MUSK: variants seen among roughly 807,000 people sequenced by gnomAD.
MUSK encodes muscle associated receptor tyrosine kinase.
In MUSK, 55 loss-of-function variants were observed where a neutral mutation model predicts 88.7. The observed-to-expected ratio is 0.62, with a 90% CI of 0.50 to 0.78. The LOEUF is 0.78. Among genes scored for constraint, MUSK ranks in the 30% least tolerant of loss-of-function variants. The probability of loss-of-function intolerance (pLI) is 0.00; values close to 1 mark genes in which losing one functional copy is unlikely to be tolerated. For missense variants in MUSK, 1,015 were observed against 1,074.3 expected (o/e 0.94, Z 0.77); for synonymous variants, 387 against 391.9 (o/e 0.99, Z 0.15).
At chr9:110,753,111 A>G (rs551881593) in intron 7 of MUSK, among the ~76,000 whole-genome samples, 91 of 152,286 alleles carry the variant, frequency 6.0e-4, no homozygotes, top group Non-Finnish European at 1.1e-3. Context: ...GCCGGAGACC[A>G]TGAAAATGGA....
At position 110,747,737 on chromosome 9, in the gene MUSK, G is replaced by C. The variant is rs1315530629; in HGVS notation, c.850G>C (p.Ala284Pro). The change falls in exon 7 of 15, where the codon GCT becomes CCT. Residue 284 changes from alanine to proline, a missense_variant. Coordinates refer to ENST00000374448, the MANE Select transcript of MUSK (RefSeq NM_005592.4). ...CAAGCCAGGACTCTACACATGCATA[G>C]CTACCAATAAGCATGGGGAGAAGTT... ...ITKPGLYTCI[A>P]TNKHGEKFST... 1 of 1,613,860 alleles carries C rather than the reference G, an allele frequency of 6.2e-7. No individual in the cohort carries two copies. Among genetic ancestry groups the C allele is most frequent in the Non-Finnish European group, 8.5e-7 (1 of 1,179,794 alleles).
chr9:110,800,197 C>CA (rs2078069849), intron 14 of MUSK, 109 bp from the exon 15 acceptor site: 1 of 1,010,184 alleles, frequency 9.9e-7, no homozygotes, highest in African/African-American at 1.6e-5. Context: ...ACAACAACAA[C>CA]AAAAAACAGG....
rs7851451 is a variant in MUSK, at chr9:110,682,322, A to G, written c.80-352A>G. On this transcript the variant is annotated intron_variant, in intron 1 of 14. Coordinates refer to ENST00000374448, the MANE Select transcript of MUSK (RefSeq NM_005592.4). ...CTTCCCTTCAGACTCACTTCCCTTT[A>G]TGCTGATGATATTGGGGTGGACACA... 7.8e-3 allele frequency among the ~76,000 whole-genome samples: 1,194 copies of G among 152,112 alleles called. 9 individuals are homozygous for G. The highest frequency in any genetic ancestry group is 0.027 in the African/African-American group (1,136 of 41,516).
chr9:110,675,215 C>CTTTTTT (rs386415865), intron 1 of MUSK, among the ~76,000 whole-genome samples: 39 of 88,356 alleles, frequency 4.4e-4, no homozygotes, highest in East Asian at 7.6e-4. Flanking sequence ...CACATTGCCT[C>CTTTTTT]TTTTTTTTTT....
chr9:110,747,611 G>C, intron 6 of MUSK, 30 bp from the exon 7 acceptor site: 1 of 1,591,548 alleles, frequency 6.3e-7, no homozygotes, highest in East Asian at 2.2e-5. Context: ...ATCCTTGACT[G>C]AGTTCTTTTA....
chr9:110,776,160 A>C lies in MUSK; in HGVS notation c.1360+197A>C, dbSNP rs575532344. ...ACAGATTAGCGTAAAGATTTATTTC[A>C]TTTGCTCTAAAATAAATGAAACAGC... On this transcript the variant is annotated intron_variant, in intron 10 of 14. Coordinates refer to ENST00000374448, the MANE Select transcript of MUSK (RefSeq NM_005592.4). 3.3e-5 allele frequency among the ~76,000 whole-genome samples: 5 copies of C among 152,108 alleles called. No homozygotes were observed. The South Asian group carries it at 8.3e-4, about 25-fold the overall frequency.
intron 6 of MUSK, among the ~76,000 whole-genome samples, chr9:110,740,356 G>C (rs2077081324): frequency 6.6e-6 from 1 of 152,146 alleles, no homozygotes; most frequent in South Asian, 2.1e-4. Context: ...CTGGCTTGCA[G>C]ATGGCTTCAC....
chr9:110,797,906 T>C (rs2078035291), intron 14 of MUSK, among the ~76,000 whole-genome samples: 1 of 152,202 alleles, frequency 6.6e-6, no homozygotes, highest in South Asian at 2.1e-4. Flanking sequence ...CATCCTGAAT[T>C]CCTGAAATTG....
chr9:110,718,050 C>T (rs767602693), intron 5 of MUSK, among the ~76,000 whole-genome samples: 30 of 152,132 alleles, frequency 2.0e-4, no homozygotes, highest in Non-Finnish European at 3.7e-4. Context: ...ATGTTGGCCA[C>T]TTCTGCAGTC....
intron 7 of MUSK, among the ~76,000 whole-genome samples, chr9:110,758,401 C>T (rs1036257375): frequency 6.6e-6 from 1 of 152,190 alleles, no homozygotes; most frequent in Non-Finnish European, 1.5e-5. Context: ...GATGACTTTT[C>T]CATTCTGCCA....
intron 8 of MUSK, among the ~76,000 whole-genome samples, chr9:110,767,557 C>A (rs2077503516): frequency 6.6e-6 from 1 of 152,176 alleles, no homozygotes; most frequent in African/African-American, 2.4e-5. Flanking sequence ...ATACCCAAAT[C>A]TATTCAGTCC....
intron 5 of MUSK, among the ~76,000 whole-genome samples, chr9:110,708,489 T>C (rs1027225880): frequency 6.6e-6 from 1 of 152,162 alleles, no homozygotes; most frequent in Non-Finnish European, 1.5e-5. Context: ...GAGTACATTG[T>C]GCATTTGAAA....
chr9:110,695,396 T>A lies in MUSK; in HGVS notation c.359-7T>A, dbSNP rs551518738. 1.3e-5 allele frequency: 19 copies of A among 1,475,266 alleles called. No homozygotes were observed. The highest frequency in any genetic ancestry group is 1.7e-4 in the Middle Eastern group (1 of 5,786). 91.4% of individuals were successfully genotyped at this position (1,475,266 alleles called of 1,614,324 possible). On this transcript the variant is annotated splice_polypyrimidine_tract_variant and splice_region_variant and intron_variant, in intron 3 of 14. Coordinates refer to ENST00000374448, the MANE Select transcript of MUSK (RefSeq NM_005592.4). ...CTTATTTATTTTGAATTTTCATTTCTTTTTAGAACCTAAAATAACTCGTCC... is the reference window on the plus strand; with the variant it reads ...CTTATTTATTTTGAATTTTCATTTCATTTTAGAACCTAAAATAACTCGTCC...
chr9:110,721,422 C>A (rs2076809804), intron 5 of MUSK, among the ~76,000 whole-genome samples: 2 of 152,112 alleles, frequency 1.3e-5, no homozygotes, highest in African/African-American at 4.8e-5. Context: ...GTACACAAAT[C>A]AGTAGTTCTC....
rs1564269147 is a variant in MUSK at position 110,755,983 on chromosome 9, T to TATATATATAC, written c.914-6210_914-6209insCATATATATA. 1.7e-3 allele frequency among the ~76,000 whole-genome samples: 210 copies of TATATATATAC among 127,004 alleles called. 3 individuals carry two copies. In the East Asian group the frequency reaches 0.017, roughly 11 times the overall value. 83.3% of individuals were successfully genotyped at this position (127,004 alleles called of 152,430 possible). A position where few individuals can be genotyped will look rare whatever the true frequency, so the allele number is the denominator to read the frequency against. On this transcript the variant is annotated intron_variant, in intron 7 of 14. Transcript: ENST00000374448. ...ATATATACATATATATATATACATA[T>TATATATATAC]ATATATATATATATGAATTTATTTA...
rs1218101698 is a variant in MUSK, at chr9:110,804,371, A to G, written c.*3383A>G. ...GCAGAAATATTACTGCCACTTCTACATTGTACAAGAGATCTCATAGCCCTA... is the reference window on the plus strand; with the variant it reads ...GCAGAAATATTACTGCCACTTCTACGTTGTACAAGAGATCTCATAGCCCTA... On this transcript the variant is annotated 3_prime_UTR_variant, in exon 15 of 15. Transcript: ENST00000374448. Among the ~76,000 whole-genome samples the G allele has an allele frequency of 2.6e-5, 4 of 152,146 alleles. No homozygotes were observed. The highest frequency in any genetic ancestry group is 5.9e-5 in the Non-Finnish European group (4 of 67,982).
intron 9 of MUSK, among the ~76,000 whole-genome samples, chr9:110,770,748 A>AC (rs2131968237): frequency 1.2e-5 from 1 of 86,450 alleles, no homozygotes; most frequent in South Asian, 3.1e-4. Flanking sequence ...TTTCTTTCTT[A>AC]CTTTTTTTTA....
intron 2 of MUSK, among the ~76,000 whole-genome samples, chr9:110,686,799 G>A (rs2076201852): frequency 1.3e-5 from 2 of 152,068 alleles, no homozygotes. Context: ...AACTTATTGG[G>A]AGAAGACACC....
At chr9:110,689,380 AAAAAATATAAAAATATGTG>A (rs2076254017) in intron 3 of MUSK, among the ~76,000 whole-genome samples, 1 of 118,152 alleles carries the variant, frequency 8.5e-6, no homozygotes, top group Non-Finnish European at 1.6e-5. Context: ...ATATATATGT[AAAAAATATAAAAATATGTG>A]AAAAATACAT....
Sources: gnomAD v4.1 joint callset for allele counts (sites outside exome capture counted in the v4.1 genomes callset) on GRCh38, gnomAD v4.1.1 for gene constraint, MANE v1.5 for transcripts, NCBI Gene and HGNC (gene_info 2026-07-23, HGNC 2026-07-21) for gene names.